Variants in HCN1 observed in about 807,000 individuals in gnomAD.
HCN1 encodes the protein hyperpolarization activated cyclic nucleotide gated potassium channel 1.
HCN1 carries 13 observed loss-of-function variants against 78.9 expected under a neutral mutation model. The ratio of observed to expected loss-of-function variants is 0.16; its 90% confidence interval spans 0.11 to 0.26. The LOEUF (loss-of-function observed/expected upper bound fraction) is 0.26. Ranked by LOEUF, HCN1 falls within the 10% of genes least tolerant of loss-of-function variation. HCN1 has a pLI of 1.00. For synonymous variants in HCN1, 552 were observed against 455.5 expected (o/e 1.21, Z -2.70); for missense variants, 810 against 1,154.3 (o/e 0.70, Z 4.32).
intron 2 of HCN1, among the ~76,000 whole-genome samples, chr5:45,628,713 C>T (rs544360097): frequency 9.2e-5 from 14 of 152,218 alleles, no homozygotes; most frequent in Admixed American, 3.9e-4. Context: ...CAGTGGCTCA[C>T]GCGTGTGATT....
chr5:45,410,935 T>C (rs975700547), intron 3 of HCN1, among the ~76,000 whole-genome samples: 1 of 152,102 alleles, frequency 6.6e-6, no homozygotes, highest in African/African-American at 2.4e-5. Context: ...GTAAGTTTTA[T>C]CATGTGTAGA....
intron 1 of HCN1, among the ~76,000 whole-genome samples, chr5:45,680,543 T>A (rs760605760): frequency 8.5e-5 from 13 of 152,136 alleles, no homozygotes; most frequent in Non-Finnish European, 1.8e-4. Context: ...AAGATTCTGA[T>A]CCTTCTGAGA....
At chr5:45,567,023 A>G (rs1022599609) in intron 2 of HCN1, among the ~76,000 whole-genome samples, 1 of 152,216 alleles carries the variant, frequency 6.6e-6, no homozygotes, top group African/African-American at 2.4e-5. Context: ...AAGTTTGTCC[A>G]CTTCAAGTTC....
At chr5:45,473,090 A>G in intron 2 of HCN1, among the ~76,000 whole-genome samples, 1 of 151,872 alleles carries the variant, frequency 6.6e-6, no homozygotes, top group East Asian at 1.9e-4. Flanking sequence ...TTCCATATCC[A>G]GTCAGACACA....
intron 1 of HCN1, among the ~76,000 whole-genome samples, chr5:45,645,840 G>GA (rs1326909495): frequency 6.6e-6 from 1 of 151,898 alleles, no homozygotes; most frequent in East Asian, 1.9e-4. Context: ...TATGTGATAT[G>GA]AAGCATTATA....
Position 45,458,651 on chromosome 5 carries a change from A to T in HCN1, c.1011+3195T>A, listed in dbSNP as rs146707209. On this transcript the variant is annotated intron_variant, in intron 3 of 7. Transcript: ENST00000303230. ...TTCTTTATAATCTATGCTGCACAAA[A>T]CCGTCCAACATGGTTTAGAGCAGAA... Among the ~76,000 whole-genome samples the T allele has an allele frequency of 3.4e-4, 51 of 152,168 alleles. 1 individual carries two copies. In the East Asian group the frequency reaches 7.7e-3, roughly 23 times the overall value.
intron 2 of HCN1, among the ~76,000 whole-genome samples, chr5:45,621,202 A>G (rs1561223075): frequency 6.6e-6 from 1 of 152,224 alleles, no homozygotes; most frequent in Non-Finnish European, 1.5e-5. Context: ...ATTTCAGTTC[A>G]AGATAATGAT....
intron 5 of HCN1, among the ~76,000 whole-genome samples, chr5:45,326,959 T>A (rs190015195): frequency 1.3e-4 from 20 of 151,704 alleles, no homozygotes; most frequent in African/African-American, 4.8e-4. Context: ...TCCATTTGAT[T>A]ATAAAGGGAA....
rs993449265 is a variant in HCN1, at chr5:45,259,146, G to A, written c.*2775C>T. On this transcript the variant is annotated 3_prime_UTR_variant, in exon 8 of 8. Transcript: ENST00000303230. ...GATTTTATGTGATTATCAAGTATAA[G>A]CTCTTGGAAATTTTATGATGTAAAA... 9 of 151,866 alleles carry A rather than the reference G, an allele frequency of 5.9e-5. No homozygotes were observed. Among genetic ancestry groups the A allele is most frequent in the African/African-American group, 2.2e-4 (9 of 41,390 alleles). The allele number at this position is 151,866 out of a possible 1,614,324, so 9.4% of individuals were successfully genotyped here. A position where few individuals can be genotyped will look rare whatever the true frequency, so the allele number is the denominator to read the frequency against.
chr5:45,669,866 A>G (rs565029211), intron 1 of HCN1, among the ~76,000 whole-genome samples: 3 of 151,908 alleles, frequency 2.0e-5, no homozygotes, highest in African/African-American at 7.2e-5. Context: ...AAAGTCAAAG[A>G]TAGGAAAGTC....
At chr5:45,318,382 G>T (rs1182552585) in intron 5 of HCN1, among the ~76,000 whole-genome samples, 2 of 152,048 alleles carry the variant, frequency 1.3e-5, no homozygotes, top group Admixed American at 6.6e-5. Context: ...CTTGGTCACA[G>T]AAAGGGGAAC....
At chr5:45,664,185 AT>A (rs1231713560) in intron 1 of HCN1, among the ~76,000 whole-genome samples, 1 of 66,134 alleles carries the variant, frequency 1.5e-5, no homozygotes, top group African/African-American at 6.3e-5. Context: ...GGAAACCATC[AT>A]TCTCAGTAAA....
At chr5:45,472,423 T>C (rs1361196130) in intron 2 of HCN1, among the ~76,000 whole-genome samples, 2 of 149,680 alleles carry the variant, frequency 1.3e-5, no homozygotes, top group Non-Finnish European at 1.5e-5. Flanking sequence ...GCCCTAGAGG[T>C]CAAGAATTGT....
intron 4 of HCN1, among the ~76,000 whole-genome samples, chr5:45,373,399 T>TAA (rs199531989): frequency 0.31 from 40,420 of 129,050 alleles, 8,371 homozygotes; most frequent in African/African-American, 0.57. Flanking sequence ...TAAATATATA[T>TAA]TATATAAAAT....
intron 2 of HCN1, among the ~76,000 whole-genome samples, chr5:45,484,557 G>A (rs1579923209): frequency 1.3e-5 from 2 of 152,094 alleles, no homozygotes; most frequent in East Asian, 1.9e-4. Flanking sequence ...CTTTTAAAAT[G>A]AGAATGTGAC....
chr5:45,324,449 G>A (rs1166076663), intron 5 of HCN1, among the ~76,000 whole-genome samples: 2 of 151,960 alleles, frequency 1.3e-5, no homozygotes, highest in Non-Finnish European at 2.9e-5. Flanking sequence ...AAACCACAAT[G>A]AGATACCATC....
intron 1 of HCN1, among the ~76,000 whole-genome samples, chr5:45,677,780 A>AT (rs1739609389): frequency 6.6e-6 from 1 of 151,958 alleles, no homozygotes; most frequent in South Asian, 2.1e-4. Context: ...AGTAGCAAAC[A>AT]TAACTGAGAG....
At chr5:45,265,550 A>T (rs1744838705) in intron 7 of HCN1, among the ~76,000 whole-genome samples, 1 of 152,150 alleles carries the variant, frequency 6.6e-6, no homozygotes, top group South Asian at 2.1e-4. Flanking sequence ...CTTCTAATCT[A>T]TTTTCAGATC....
intron 4 of HCN1, among the ~76,000 whole-genome samples, chr5:45,378,901 C>G (rs1167498549): frequency 2.6e-5 from 4 of 151,998 alleles, no homozygotes; most frequent in African/African-American, 7.2e-5. Flanking sequence ...CTATAGTTTG[C>G]TGAGAATGAT....
Sources: allele counts gnomAD v4.1 joint callset (sites outside exome capture counted in the v4.1 genomes callset), GRCh38; gene constraint gnomAD v4.1.1; transcripts MANE v1.5; gene names NCBI Gene and HGNC (gene_info 2026-07-23, HGNC 2026-07-21).